The following WRN variants were observed in gnomAD, a reference collection of about 807,000 sequenced individuals.
The protein encoded by WRN is WRN RecQ like helicase, also known as bifunctional 3'-5' exonuclease/ATP-dependent helicase WRN.
Under a neutral mutation model 180.7 loss-of-function variants are expected in WRN, and 149 were observed. That is an observed-to-expected ratio of 0.82 (90% confidence interval 0.72 to 0.94). WRN has a LOEUF of 0.94. Among genes scored for constraint, WRN ranks in the 40% least tolerant of loss-of-function variants. The pLI, the probability that WRN is intolerant of heterozygous loss-of-function variation, is 0.00. For synonymous variants in WRN, 548 were observed against 568.9 expected, an observed-to-expected ratio of 0.96 and a Z score of 0.52; for missense variants, 1,661 against 1,700.1, an observed-to-expected ratio of 0.98 and a Z score of 0.40.
intron 24 of WRN, among the ~76,000 whole-genome samples, chr8:31,132,770 T>A (rs1802235783): frequency 6.6e-6 from 1 of 152,216 alleles, no homozygotes; most frequent in South Asian, 2.1e-4. Flanking sequence ...TTTATCACAT[T>A]GCATTTGGGT....
In WRN at chr8:31,081,208, C is replaced by G. The variant is rs200487813; in HGVS notation, c.1181C>G (p.Ser394Trp). The G allele has an allele frequency of 4.3e-6, 7 of 1,613,600 alleles. No homozygotes were observed. The highest frequency in any genetic ancestry group is 1.3e-5 in the African/African-American group (1 of 74,864). The change falls in exon 9 of 35, where the codon TCG becomes TGG. Residue 394 changes from serine to tryptophan, a missense_variant. Physicochemically the swap from Ser to Trp is radical, Grantham distance 177 (BLOSUM62 -3). This residue lies in a region of WRN where 500 missense variants were observed against 504.1 expected (regional missense o/e 0.99). Transcript: ENST00000298139. ...AATATGGAAAGAGCTTGTTTGATGT[C>G]GTTAGATATTACAGAACATGAACTC... The part of the protein sequence containing the change: ...KENMERACLM[S>W]LDITEHELQI...
intron 1 of WRN, among the ~76,000 whole-genome samples, chr8:31,054,952 A>T (rs970227306): frequency 2.6e-5 from 4 of 152,130 alleles, no homozygotes; most frequent in South Asian, 4.1e-4. Context: ...GCTCCCACTT[A>T]TAAGTGAGAA....
chr8:31,065,339 G>T (rs1193420582), intron 5 of WRN, among the ~76,000 whole-genome samples: 2 of 152,160 alleles, frequency 1.3e-5, no homozygotes, highest in East Asian at 3.9e-4. Flanking sequence ...TATCACCCGG[G>T]TATTAAGCCT....
At chr8:31,119,039 A>G (rs770740162) in intron 20 of WRN, among the ~76,000 whole-genome samples, 38 of 151,974 alleles carry the variant, frequency 2.5e-4, no homozygotes, top group Non-Finnish European at 4.7e-4. Context: ...TGACTCTTAC[A>G]TATATCAAAA....
intron 16 of WRN, among the ~76,000 whole-genome samples, chr8:31,093,183 C>G (rs571642687): frequency 6.6e-5 from 10 of 152,214 alleles, no homozygotes; most frequent in African/African-American, 2.2e-4. Flanking sequence ...AGGATTGTTT[C>G]CAGTTTTGGA....
At chr8:31,147,193 A>T (rs1023146429) in intron 29 of WRN, 65 bp downstream of exon 29, 14 of 1,556,576 alleles carry the variant, frequency 9.0e-6, no homozygotes, top group Non-Finnish European at 1.2e-5. Context: ...GTATGCTTAA[A>T]ATTCTGTATT....
intron 31 of WRN, among the ~76,000 whole-genome samples, chr8:31,153,026 GA>G (rs112947160): frequency 0.063 from 8,199 of 129,338 alleles, 684 homozygotes; most frequent in African/African-American, 0.2. Context: ...CTGAGTGATA[GA>G]AAAAAAAAAA....
intron 23 of WRN, among the ~76,000 whole-genome samples, chr8:31,128,606 T>C (rs1802017118): frequency 6.6e-6 from 1 of 152,204 alleles, no homozygotes; most frequent in African/African-American, 2.4e-5. Flanking sequence ...ATGCCTGTAA[T>C]CCCAGCACTT....
At chr8:31,061,816 T>C (rs1249901695) in intron 3 of WRN, among the ~76,000 whole-genome samples, 1 of 152,234 alleles carries the variant, frequency 6.6e-6, no homozygotes, top group Non-Finnish European at 1.5e-5. Flanking sequence ...CTTACCTTTG[T>C]GTAAGTCCGT....
intron 23 of WRN, among the ~76,000 whole-genome samples, chr8:31,128,840 CAG>C (rs1479283551): frequency 6.6e-6 from 1 of 152,128 alleles, no homozygotes; most frequent in African/African-American, 2.4e-5. Flanking sequence ...GCCTGGGCAA[CAG>C]AGCGAGACTC....
chr8:31,046,881 C>T (rs1164448621), intron 1 of WRN, among the ~76,000 whole-genome samples: 1 of 152,098 alleles, frequency 6.6e-6, no homozygotes, highest in African/African-American at 2.4e-5. Flanking sequence ...TTTTTCCTTC[C>T]AGGAATTACA....
intron 28 of WRN, among the ~76,000 whole-genome samples, chr8:31,144,352 T>TC (rs397821585): frequency 6.6e-6 from 1 of 151,660 alleles, no homozygotes; most frequent in Non-Finnish European, 1.5e-5. Context: ...TTTTTTTTTT[T>TC]CGAGACTGAG....
intron 16 of WRN, among the ~76,000 whole-genome samples, chr8:31,093,402 AGTTGTTGTT>A (rs754133241): frequency 3.0e-4 from 46 of 152,060 alleles, no homozygotes; most frequent in Admixed American, 1.9e-3. Flanking sequence ...CACCTGATGC[AGTTGTTGTT>A]GTTGTTGTTG....
intron 24 of WRN, among the ~76,000 whole-genome samples, chr8:31,137,148 T>A (rs1802431893): frequency 6.6e-6 from 1 of 151,988 alleles, no homozygotes; most frequent in Non-Finnish European, 1.5e-5. Context: ...TACTCTGCTT[T>A]AAAGCAAAGG....
chr8:31,053,435 C>G (rs1360426530), intron 1 of WRN, among the ~76,000 whole-genome samples: 1 of 152,180 alleles, frequency 6.6e-6, no homozygotes, highest in Non-Finnish European at 1.5e-5. Flanking sequence ...TAACTAAATC[C>G]AAGCTCCTAC....
chr8:31,163,852 C>T (rs1479382233), intron 33 of WRN, among the ~76,000 whole-genome samples: 1 of 136,990 alleles, frequency 7.3e-6, no homozygotes, highest in East Asian at 2.0e-4. Flanking sequence ...TAACCATGAG[C>T]TCTTTTTTTT....
At chr8:31,035,060 A>C (rs573190812) in intron 1 of WRN, among the ~76,000 whole-genome samples, 9 of 151,734 alleles carry the variant, frequency 5.9e-5, no homozygotes, top group African/African-American at 1.9e-4. Flanking sequence ...ATTTTCTTTT[A>C]TTTTTTTTCC....
intron 30 of WRN, among the ~76,000 whole-genome samples, chr8:31,148,467 T>A (rs1802955065): frequency 6.6e-6 from 1 of 152,210 alleles, no homozygotes. Flanking sequence ...TTAAACTTAC[T>A]TTTCCCTCTA....
intron 30 of WRN, among the ~76,000 whole-genome samples, chr8:31,148,928 ATATT>A (rs1802977560): frequency 6.6e-6 from 1 of 152,220 alleles, no homozygotes; most frequent in Non-Finnish European, 1.5e-5. Context: ...TGATCATTAA[ATATT>A]TAGAAGAAAT....
Sources: allele counts gnomAD v4.1 joint callset (sites outside exome capture counted in the v4.1 genomes callset), GRCh38; gene constraint gnomAD v4.1.1; regional missense constraint gnomAD v4.1.1; transcripts MANE v1.5; gene names NCBI Gene and HGNC (gene_info 2026-07-23, HGNC 2026-07-21).